The following GIMAP1 variants were observed in gnomAD, a reference collection of about 807,000 sequenced individuals.
GIMAP1 encodes the protein GTPase, IMAP family member 1.
For missense variants in GIMAP1, 423 were observed against 411.9 expected, an observed-to-expected ratio of 1.03 and a Z score of -0.23; for synonymous variants, 230 against 187.7, an observed-to-expected ratio of 1.23 and a Z score of -1.84.
In GIMAP1 at chr7:150,720,234, A is replaced by T; in HGVS notation, c.230A>T (p.His77Leu). The T allele has an allele frequency of 1.9e-6, 3 of 1,614,194 alleles. No homozygotes were observed. Among genetic ancestry groups the T allele is most frequent in the Non-Finnish European group, 2.5e-6 (3 of 1,180,038 alleles). The change falls in exon 3 of 3, where the codon CAC (histidine) becomes CTC (leucine). Residue 77 changes from histidine (H) to leucine (L), a missense_variant. Coordinates refer to ENST00000307194, the MANE Select transcript of GIMAP1 (RefSeq NM_130759.4). The surrounding 1 kb of genome is among the most constrained non-coding windows in gnomAD (Gnocchi z 4.5). The stretch of plus-strand genomic sequence containing the variant: ...GGCAGCCGCAGGTGGGACAAGTGCC[A>T]CGTGGAAGTCGTGGACACTCCGGAC... ...TTGSRRWDKC[H>L]VEVVDTPDIF...
chr7:150,719,317 A>G lies in GIMAP1; in HGVS notation c.43+227A>G, dbSNP rs1343557644. The G allele has an allele frequency of 8.8e-6, 5 of 565,678 alleles. No individual in the cohort carries two copies. In the Admixed American group the frequency reaches 1.2e-4, roughly 14 times the overall value. The allele number at this position is 565,678 out of a possible 1,614,324, so 35.0% of individuals were successfully genotyped here. Reference sequence around the variant, plus strand: ...CTTGGTTCCACAGTATAAAATAAGGATAATAAACCTACTCCGATCACCGCA... The same window carrying G: ...CTTGGTTCCACAGTATAAAATAAGGGTAATAAACCTACTCCGATCACCGCA... On this transcript the variant is annotated intron_variant, in intron 2 of 2. Coordinates refer to ENST00000307194, the MANE Select transcript of GIMAP1 (RefSeq NM_130759.4).
chr7:150,720,446 G>A lies in GIMAP1; in HGVS notation c.442G>A (p.Val148Ile), dbSNP rs1385090066. ...CGGGGAGGACGTCCTAAAATGGATG[G>A]TCATCGTCTTCACCAGGAAGGAGGA... ...MFGEDVLKWMVIVFTRKEDLA... is the reference protein window; with the variant it reads ...MFGEDVLKWMIIVFTRKEDLA... Residue 148 changes from valine to isoleucine, a missense_variant, in exon 3 of 3, where the codon GTC (valine) becomes ATC (isoleucine). Physicochemically the swap from Val to Ile is conservative, Grantham distance 29. Coordinates refer to ENST00000307194, the MANE Select transcript of GIMAP1 (RefSeq NM_130759.4). This position sits in a 1 kb window ranked among gnomAD's most constrained non-coding sequence, Gnocchi z 4.5. 1 of 1,572,376 alleles carries A rather than the reference G, an allele frequency of 6.4e-7. No homozygotes were observed. The highest frequency in any genetic ancestry group is 8.6e-7 in the Non-Finnish European group (1 of 1,157,992).
intron 1 of GIMAP1, among the ~76,000 whole-genome samples, chr7:150,718,693 C>T (rs548863759): frequency 1.3e-5 from 2 of 152,310 alleles, no homozygotes; most frequent in South Asian, 4.1e-4. Context: ...AAAGACAAAT[C>T]TAGCCTCACC....
chr7:150,720,976 T>C lies in GIMAP1; in HGVS notation c.*51T>C, dbSNP rs766661041. Reference sequence around the variant, plus strand: ...AACTTGGTTAAGGGAGGCTGAATTCTTGGAGCTGAAGGGAAAACTTCATTC... The same window carrying C: ...AACTTGGTTAAGGGAGGCTGAATTCCTGGAGCTGAAGGGAAAACTTCATTC... On this transcript the variant is annotated 3_prime_UTR_variant, in exon 3 of 3. Coordinates refer to ENST00000307194, the MANE Select transcript of GIMAP1 (RefSeq NM_130759.4). The surrounding 1 kb of genome is among the most constrained non-coding windows in gnomAD (Gnocchi z 4.5). 7 of 1,434,288 alleles carry C rather than the reference T, an allele frequency of 4.9e-6. No individual in the cohort carries two copies. Among genetic ancestry groups the C allele is most frequent in the Admixed American group, 5.1e-5 (2 of 39,282 alleles). The allele number at this position is 1,434,288 out of a possible 1,614,324, so 88.8% of individuals were successfully genotyped here.
Position 150,720,648 on chromosome 7 carries a change from AC to A in GIMAP1, c.645del (p.His215GlnfsTer54). The A allele has an allele frequency of 6.2e-7, 1 of 1,610,468 alleles. No individual in the cohort carries two copies. The highest frequency in any genetic ancestry group is 8.5e-7 in the Non-Finnish European group (1 of 1,178,310). On this transcript the variant is annotated frameshift_variant, in exon 3 of 3. Coordinates refer to ENST00000307194, the MANE Select transcript of GIMAP1 (RefSeq NM_130759.4). LOFTEE classifies it low-confidence loss of function (END_TRUNC). This position sits in a 1 kb window ranked among gnomAD's most constrained non-coding sequence, Gnocchi z 4.5. The stretch of plus-strand genomic sequence containing the variant: ...ATGGTCGAGGGCTTGGTGCTGGAGC[AC>A]AAGGGCGCCCATTACTCCAACGAGG... ...LGMVEGLVLE[H>X]KGAHYSNEVY... is the part of the protein sequence containing the mutation.
intron 1 of GIMAP1, among the ~76,000 whole-genome samples, chr7:150,718,777 A>G (rs1242932958): frequency 6.6e-6 from 1 of 152,224 alleles, no homozygotes; most frequent in African/African-American, 2.4e-5. Context: ...TCAAGTTCCG[A>G]TATAATCCTT....
At chr7:150,716,980 A>G (rs562581374) in intron 1 of GIMAP1, among the ~76,000 whole-genome samples, 19 of 151,958 alleles carry the variant, frequency 1.3e-4, no homozygotes, top group African/African-American at 3.9e-4. Flanking sequence ...TGCTGGAACC[A>G]CCTCCAGGAA....
rs774468773 is a variant in GIMAP1 at position 150,719,074 on chromosome 7, T to A, written c.27T>A (p.Asp9Glu). Residue 9 changes from aspartate (D) to glutamate (E), a missense_variant, in exon 2 of 3, where the codon GAT becomes GAA. By Grantham distance (45) the Asp-to-Glu change is conservative (BLOSUM62 2). Transcript: ENST00000307194. Reference sequence around the variant, plus strand: ...TGGGAGGAAGGAAGATGGCGACAGATGAAGAAAATGTCTATGGTAAGACCA... The same window carrying A: ...TGGGAGGAAGGAAGATGGCGACAGAAGAAGAAAATGTCTATGGTAAGACCA... MGGRKMAT[D>E]EENVYGLEEN... 2 of 1,614,132 alleles carry A rather than the reference T, an allele frequency of 1.2e-6. No homozygotes were observed. Among genetic ancestry groups the A allele is most frequent in the South Asian group, 2.2e-5 (2 of 91,082 alleles).
rs1204885038 is a variant in GIMAP1, at chr7:150,720,421, C to T, written c.417C>T (p.Phe139=). 1.9e-6 allele frequency: 3 copies of T among 1,577,972 alleles called. No individual in the cohort carries two copies. The highest frequency in any genetic ancestry group is 1.7e-6 in the Non-Finnish European group (2 of 1,160,298). ...CGGTGAGGCAGGTGAGGGACATGTT[C>T]GGGGAGGACGTCCTAAAATGGATGG... The part of the protein sequence containing the change: ...QQAVRQVRDM[F]GEDVLKWMVI... Residue 139 remains phenylalanine, a synonymous_variant, in exon 3 of 3, where the codon TTC becomes TTT. Coordinates refer to ENST00000307194, the MANE Select transcript of GIMAP1 (RefSeq NM_130759.4). This position sits in a 1 kb window ranked among gnomAD's most constrained non-coding sequence, Gnocchi z 4.5.
At chr7:150,718,136 C>A (rs774647760) in intron 1 of GIMAP1, among the ~76,000 whole-genome samples, 1 of 152,028 alleles carries the variant, frequency 6.6e-6, no homozygotes, top group Admixed American at 6.6e-5. Context: ...AGTAGCTGAC[C>A]GAGTGGGGTA....
In GIMAP1 at chr7:150,720,617, CT is replaced by C; in HGVS notation, c.614del (p.Leu205ArgfsTer64). ...GCAGGAAGCCCAGGTGGAGCAGCTGCTGGGGATGGTCGAGGGCTTGGTGCTG... is the reference window on the plus strand; with the variant it reads ...GCAGGAAGCCCAGGTGGAGCAGCTGCGGGGATGGTCGAGGGCTTGGTGCTG... ...REQEAQVEQLLGMVEGLVLEH... is the reference protein window; with the variant it reads ...REQEAQVEQLXGMVEGLVLEH... On this transcript the variant is annotated frameshift_variant, in exon 3 of 3. Coordinates refer to ENST00000307194, the MANE Select transcript of GIMAP1 (RefSeq NM_130759.4). LOFTEE classifies it low-confidence loss of function (END_TRUNC). The surrounding 1 kb of genome is among the most constrained non-coding windows in gnomAD (Gnocchi z 4.5). 1 of 1,613,602 alleles carries C rather than the reference CT, an allele frequency of 6.2e-7. No homozygotes were observed. Among genetic ancestry groups the C allele is most frequent in the Non-Finnish European group, 8.5e-7 (1 of 1,179,730 alleles).
In GIMAP1 at chr7:150,724,159, G is replaced by A. The variant is rs112517812; in HGVS notation, c.*3234G>A. ...CTTGGGGAAGCTATAGCTAGACTAT[G>A]GCTCAACACTCATTTTTCCCCCATG... On this transcript the variant is annotated 3_prime_UTR_variant, in exon 3 of 3. Transcript: ENST00000307194. 5 of 152,026 alleles carry A rather than the reference G, an allele frequency of 3.3e-5. No individual in the cohort carries two copies. Among genetic ancestry groups the A allele is most frequent in the African/African-American group, 1.2e-4 (5 of 41,448 alleles). 9.4% of individuals were successfully genotyped at this position (152,026 alleles called of 1,614,324 possible).
chr7:150,721,887 T>TCTCA lies in GIMAP1; in HGVS notation c.*963_*964insTCAC. ...TTCTATATGGTTATTCATATTTTTATCACACACACACACACACACACACAC... is the reference window on the plus strand; with the variant it reads ...TTCTATATGGTTATTCATATTTTTATCTCACACACACACACACACACACACACAC... On this transcript the variant is annotated 3_prime_UTR_variant, in exon 3 of 3. Transcript: ENST00000307194. 6.8e-6 allele frequency: 1 copy of TCTCA among 147,302 alleles called. No homozygotes were observed. Among genetic ancestry groups the TCTCA allele is most frequent in the South Asian group, 2.2e-4 (1 of 4,584 alleles). 9.1% of individuals were successfully genotyped at this position (147,302 alleles called of 1,614,324 possible). A position where few individuals can be genotyped will look rare whatever the true frequency, so the allele number is the denominator to read the frequency against.
rs1445143545 is a variant in GIMAP1, at chr7:150,723,043, T to A, written c.*2118T>A. The A allele has an allele frequency of 6.6e-6, 1 of 152,220 alleles. No homozygotes were observed. The highest frequency in any genetic ancestry group is 1.5e-5 in the Non-Finnish European group (1 of 68,040). 9.4% of individuals were successfully genotyped at this position (152,220 alleles called of 1,614,324 possible). On this transcript the variant is annotated 3_prime_UTR_variant, in exon 3 of 3. Transcript: ENST00000307194. ...AGTAATAAAAAGTAGTAGTATATGG[T>A]TAATTGTCAAATACATTTGCAAAGT...
Position 150,720,594 on chromosome 7 carries a change from A to G in GIMAP1, c.590A>G (p.Gln197Arg). 1 of 1,613,836 alleles carries G rather than the reference A, an allele frequency of 6.2e-7. No individual in the cohort carries two copies. Among genetic ancestry groups the G allele is most frequent in the Non-Finnish European group, 8.5e-7 (1 of 1,179,826 alleles). The stretch of plus-strand genomic sequence containing the variant: ...GATAACCGGGCCACCGGCCGGGAGC[A>G]GGAAGCCCAGGTGGAGCAGCTGCTG... The part of the protein sequence containing the change: ...AFDNRATGRE[Q>R]EAQVEQLLGM... Residue 197 changes from glutamine to arginine, a missense_variant, in exon 3 of 3, where the codon CAG becomes CGG. Coordinates refer to ENST00000307194, the MANE Select transcript of GIMAP1 (RefSeq NM_130759.4). This position sits in a 1 kb window ranked among gnomAD's most constrained non-coding sequence, Gnocchi z 4.5.
Position 150,722,634 on chromosome 7 carries a change from GACA to G in GIMAP1, c.*1715_*1717del, listed in dbSNP as rs1797324466. ...CGAGCCAGTGCTGCTGCTGGTGTTA[GACA>G]ACAACTTTTATCAAAGTGGTTTAAT... On this transcript the variant is annotated 3_prime_UTR_variant, in exon 3 of 3. Transcript: ENST00000307194. 1 of 152,288 alleles carries G rather than the reference GACA, an allele frequency of 6.6e-6. No homozygotes were observed. The highest frequency in any genetic ancestry group is 1.5e-5 in the Non-Finnish European group (1 of 68,058). The allele number at this position is 152,288 out of a possible 1,614,324, so 9.4% of individuals were successfully genotyped here. A position where few individuals can be genotyped will look rare whatever the true frequency, so the allele number is the denominator to read the frequency against.
chr7:150,719,408 G>C (rs1563364902), intron 2 of GIMAP1: 3 of 318,236 alleles, frequency 9.4e-6, no homozygotes, highest in African/African-American at 2.1e-5. Flanking sequence ...AGAATGTTTA[G>C]AGAACAAGGA....
At position 150,721,648 on chromosome 7, in the gene GIMAP1, T is replaced by TA. The variant is rs1797304950; in HGVS notation, c.*728dup. 6.6e-6 allele frequency: 1 copy of TA among 151,900 alleles called. No individual in the cohort carries two copies. Among genetic ancestry groups the TA allele is most frequent in the Non-Finnish European group, 1.5e-5 (1 of 68,012 alleles). The allele number at this position is 151,900 out of a possible 1,614,324, so 9.4% of individuals were successfully genotyped here. A position where few individuals can be genotyped will look rare whatever the true frequency, so the allele number is the denominator to read the frequency against. ...CAACATGGCGAAACCCCATCTCTAC[T>TA]AAAAATACAAAAATTAGCCAGGCGT... On this transcript the variant is annotated 3_prime_UTR_variant, in exon 3 of 3. Coordinates refer to ENST00000307194, the MANE Select transcript of GIMAP1 (RefSeq NM_130759.4).
chr7:150,716,930 G>T (rs192995674), intron 1 of GIMAP1, among the ~76,000 whole-genome samples: 1 of 152,056 alleles, frequency 6.6e-6, no homozygotes, highest in Non-Finnish European at 1.5e-5. Flanking sequence ...AGTGAAATCT[G>T]TCTCCTCCCA....
Sources: allele counts gnomAD v4.1 joint callset (sites outside exome capture counted in the v4.1 genomes callset), GRCh38; gene constraint gnomAD v4.1.1; non-coding constraint Gnocchi (gnomAD v3.1); transcripts MANE v1.5; gene names NCBI Gene and HGNC (gene_info 2026-07-23, HGNC 2026-07-21).